Variants in MED24 observed in about 807,000 individuals in gnomAD.
MED24 encodes mediator complex subunit 24, also known as mediator of RNA polymerase II transcription subunit 24.
A neutral mutation model predicts 118.8 loss-of-function variants in MED24; 74 were observed. The observed-to-expected ratio is 0.62, with a 90% confidence interval of 0.52 to 0.76. The LOEUF is 0.76. MED24 is among the 30% of genes least tolerant of loss of function. The pLI is 0.00. For missense variants in MED24, 1,041 were observed against 1,278.9 expected (o/e 0.81, Z 2.84); for synonymous variants, 521 against 523.9 (o/e 0.99, Z 0.08).
intron 12 of MED24, among the ~76,000 whole-genome samples, chr17:40,030,597 A>G (rs897272879): frequency 2.6e-5 from 4 of 151,974 alleles, no homozygotes; most frequent in African/African-American, 9.7e-5. Context: ...CCGGCCTATC[A>G]TTAGTCTTAA....
chr17:40,038,365 G>T (rs781321939), intron 3 of MED24, among the ~76,000 whole-genome samples: 6 of 152,074 alleles, frequency 3.9e-5, no homozygotes, highest in Non-Finnish European at 8.8e-5. Flanking sequence ...CATAAGACTG[G>T]ATATCTAGTT....
intron 17 of MED24, 31 bp from the exon 18 acceptor site, chr17:40,026,777 G>A (rs760385490): frequency 5.0e-6 from 8 of 1,611,158 alleles, no homozygotes; most frequent in Non-Finnish European, 6.8e-6. Context: ...CAGCACAGGG[G>A]AGCAAGGAAC....
At chr17:40,026,814 G>A (rs998474520) in intron 17 of MED24, 42 bp downstream of exon 17, 1 of 1,611,166 alleles carries the variant, frequency 6.2e-7, no homozygotes, top group African/African-American at 1.3e-5. Flanking sequence ...TCTTGACCCT[G>A]CCCCCACCGC....
At chr17:40,039,102 T>C (rs933446792) in intron 3 of MED24, among the ~76,000 whole-genome samples, 1 of 152,148 alleles carries the variant, frequency 6.6e-6, no homozygotes, top group Non-Finnish European at 1.5e-5. Context: ...GACCCTCAAA[T>C]GCCGGGAGAG....
chr17:40,025,122 G>C (rs1982491539), intron 19 of MED24, among the ~76,000 whole-genome samples: 1 of 152,206 alleles, frequency 6.6e-6, no homozygotes, highest in African/African-American at 2.4e-5. Flanking sequence ...ACCATGCTGA[G>C]TGAAGTCAGT....
At chr17:40,024,244 C>T (rs1173641040) in intron 19 of MED24, among the ~76,000 whole-genome samples, 3 of 152,186 alleles carry the variant, frequency 2.0e-5, no homozygotes, top group Admixed American at 6.5e-5. Flanking sequence ...CCTATTAAGA[C>T]ATCCTCAGGC....
chr17:40,023,411 G>C lies in MED24; in HGVS notation c.1986-16C>G. ...GATCACCACCCTGGGGGAGGGCCGA[G>C]AGAACCTGAGGCTCAGGTGCCACTG... On this transcript the variant is annotated splice_polypyrimidine_tract_variant and intron_variant, in intron 19 of 25. Transcript: ENST00000394128. 6.4e-7 allele frequency: 1 copy of C among 1,569,472 alleles called. No homozygotes were observed. The highest frequency in any genetic ancestry group is 8.7e-7 in the Non-Finnish European group (1 of 1,155,636).
At chr17:40,027,583 G>T in intron 15 of MED24, 118 bp from the exon 16 acceptor site, 1 of 915,216 alleles carries the variant, frequency 1.1e-6, no homozygotes. Context: ...CTCCTTCAAA[G>T]CTCTGAGGCT....
At position 40,031,243 on chromosome 17, in the gene MED24, C is replaced by T. The variant is rs1348011635; in HGVS notation, c.1070G>A (p.Cys357Tyr). Residue 357 changes from cysteine to tyrosine, a missense_variant and splice_region_variant, in exon 12 of 26, where the codon TGT (cysteine) becomes TAT (tyrosine). Transcript: ENST00000394128. The stretch of plus-strand genomic sequence containing the variant: ...TTGGAGCAGGAAGTTTGTACAGTCA[C>T]AGCTGTGAGGGAGAAAGATGCTGAG... ...LLDKADQRCN[C>Y]DCTNFLLQEC... 2 of 1,564,018 alleles carry T rather than the reference C, an allele frequency of 1.3e-6. No homozygotes were observed. The highest frequency in any genetic ancestry group is 8.7e-7 in the Non-Finnish European group (1 of 1,153,156).
intron 3 of MED24, among the ~76,000 whole-genome samples, chr17:40,052,024 G>C (rs1331879832): frequency 2.0e-5 from 3 of 152,108 alleles, no homozygotes; most frequent in African/African-American, 7.2e-5. Flanking sequence ...GCCAGGCACG[G>C]TGGCTCACAC....
chr17:40,040,156 G>A lies in MED24; in HGVS notation c.214-4002C>T, dbSNP rs374997218. Among the ~76,000 whole-genome samples the A allele has an allele frequency of 2.9e-3, 435 of 151,260 alleles. 3 individuals carry two copies. In the Middle Eastern group the frequency reaches 0.065, roughly 22 times the overall value. Reference sequence around the variant, plus strand: ...TGCAGTGGCACAATCTCGGCTCACTGCAACCTCTGCCTCCTGGGTTCAAGC... The same window carrying A: ...TGCAGTGGCACAATCTCGGCTCACTACAACCTCTGCCTCCTGGGTTCAAGC... On this transcript the variant is annotated intron_variant, in intron 3 of 25. Coordinates refer to ENST00000394128, the MANE Select transcript of MED24 (RefSeq NM_014815.4).
At chr17:40,053,446 T>C (rs778858450) in intron 2 of MED24, 23 bp downstream of exon 2, 26 of 1,614,056 alleles carry the variant, frequency 1.6e-5, no homozygotes, top group African/African-American at 6.7e-5. Flanking sequence ...CCTCCCATCT[T>C]TCTTTCCCAG....
intron 23 of MED24, among the ~76,000 whole-genome samples, chr17:40,020,774 C>T (rs555207898): frequency 6.6e-6 from 1 of 150,440 alleles, no homozygotes; most frequent in Admixed American, 6.6e-5. Flanking sequence ...AGAGCAAAAC[C>T]GTGTCTCAGA....
intron 1 of MED24, chr17:40,054,011 T>C (rs1986099325): frequency 3.6e-6 from 1 of 280,660 alleles, no homozygotes; most frequent in Non-Finnish European, 6.9e-6. Context: ...ATGCCTGTAA[T>C]CCCAGCTACT....
At chr17:40,042,674 G>A (rs560517235) in intron 3 of MED24, among the ~76,000 whole-genome samples, 3 of 151,920 alleles carry the variant, frequency 2.0e-5, no homozygotes, top group Admixed American at 6.6e-5. Flanking sequence ...GTGATACTCC[G>A]TCTCAAAAAA....
intron 17 of MED24, 41 bp from the exon 18 acceptor site, chr17:40,026,787 C>A (rs766238553): frequency 5.0e-6 from 8 of 1,611,106 alleles, no homozygotes; most frequent in Non-Finnish European, 6.8e-6. Context: ...GAGCAAGGAA[C>A]GGGCTCAGGG....
In MED24 at chr17:40,033,233, G is replaced by C. The variant is rs1307920259; in HGVS notation, c.672-27C>G. The C allele has an allele frequency of 6.2e-7, 1 of 1,613,214 alleles. No homozygotes were observed. Among genetic ancestry groups the C allele is most frequent in the Admixed American group, 1.7e-5 (1 of 60,036 alleles). ...TGAGGGGTCACAAACACAGGGGACG[G>C]TGTTTGGGGGGCCAAAGGTGAAGGC... On this transcript the variant is annotated intron_variant, in intron 7 of 25. Coordinates refer to ENST00000394128, the MANE Select transcript of MED24 (RefSeq NM_014815.4). This position sits in a 1 kb window ranked among gnomAD's most constrained non-coding sequence, Gnocchi z 5.2.
At chr17:40,019,712 G>A (rs1438685277) in intron 25 of MED24, 67 bp from the exon 26 acceptor site, 21 of 1,587,208 alleles carry the variant, frequency 1.3e-5, no homozygotes, top group Non-Finnish European at 1.6e-5. Flanking sequence ...CAGGGGGAAG[G>A]AGGCCCCTCC....
intron 21 of MED24, 54 bp from the exon 22 acceptor site, chr17:40,022,538 C>G (rs1330962972): frequency 4.4e-6 from 7 of 1,593,950 alleles, no homozygotes; most frequent in African/African-American, 1.3e-5. Flanking sequence ...CAGGAGCTTT[C>G]TGTGTCTGAC....
Sources: gnomAD v4.1 joint callset for allele counts (sites outside exome capture counted in the v4.1 genomes callset) on GRCh38, gnomAD v4.1.1 for gene constraint, Gnocchi (gnomAD v3.1) non-coding constraint, MANE v1.5 for transcripts, NCBI Gene and HGNC (gene_info 2026-07-23, HGNC 2026-07-21) for gene names.